CPLX1: variants seen among roughly 807,000 people sequenced by gnomAD.
CPLX1 encodes the protein complexin-1.
CPLX1 carries 6 observed loss-of-function variants against 15.6 expected under a neutral mutation model. The ratio of observed to expected loss-of-function variants is 0.39; its 90% CI spans 0.21 to 0.76. The LOEUF is 0.76. Ranked by LOEUF, CPLX1 falls within the 30% of genes least tolerant of loss-of-function variation. The pLI is 0.43. For synonymous variants in CPLX1, 91 were observed against 75.2 expected, an observed-to-expected ratio of 1.21 and a Z score of -1.08; for missense variants, 242 against 188.6, an observed-to-expected ratio of 1.28 and a Z score of -1.66.
intron 1 of CPLX1, among the ~76,000 whole-genome samples, chr4:825,043 G>A (rs1025775175): frequency 6.6e-6 from 1 of 152,220 alleles, no homozygotes; most frequent in African/African-American, 2.4e-5. Flanking sequence ...GCGGGCTCCT[G>A]TGGCTTCTGA....
chr4:824,450 A>G, intron 2 of CPLX1, 42 bp downstream of exon 2: 4 of 1,574,202 alleles, frequency 2.5e-6, no homozygotes, highest in Non-Finnish European at 3.5e-6. Flanking sequence ...TGGTCTCTCC[A>G]TGTCCCCTCA....
chr4:810,231 A>C (rs1746641160), intron 2 of CPLX1, among the ~76,000 whole-genome samples: 1 of 151,466 alleles, frequency 6.6e-6, no homozygotes, highest in Non-Finnish European at 1.5e-5. Flanking sequence ...TTGTATTTTT[A>C]GTAGAGACGG....
intron 2 of CPLX1, among the ~76,000 whole-genome samples, chr4:811,326 CAT>C (rs1746661927): frequency 6.6e-6 from 1 of 151,702 alleles, no homozygotes; most frequent in South Asian, 2.1e-4. Context: ...TTTTATTTTT[CAT>C]AGAGATGGGA....
intron 2 of CPLX1, among the ~76,000 whole-genome samples, chr4:818,857 C>A (rs1288780725): frequency 6.6e-6 from 1 of 152,236 alleles, no homozygotes; most frequent in Non-Finnish European, 1.5e-5. Flanking sequence ...CGGCCAAGGA[C>A]GGTGCTGGAC....
chr4:788,657 A>G (rs1746074809), intron 3 of CPLX1: 1 of 917,750 alleles, frequency 1.1e-6, no homozygotes, highest in African/African-American at 1.8e-5. Flanking sequence ...CGGGAAGGGC[A>G]GCAGCTCCAG....
chr4:803,413 C>T (rs576138231), intron 2 of CPLX1, among the ~76,000 whole-genome samples: 3 of 151,628 alleles, frequency 2.0e-5, no homozygotes, highest in Non-Finnish European at 2.9e-5. Flanking sequence ...TTTTTTGAGA[C>T]GGAATCTCGC....
Position 817,969 on chromosome 4 carries a change from C to T in CPLX1, c.31+6523G>A, listed in dbSNP as rs1028027262. The stretch of plus-strand genomic sequence containing the variant: ...CAAGTCTGACAGGGGACACTGGAGG[C>T]GCCACCGCCCTCGGGGGTGGCTCAC... On this transcript the variant is annotated intron_variant, in intron 2 of 3. Coordinates refer to ENST00000304062, the MANE Select transcript of CPLX1 (RefSeq NM_006651.4). Among the ~76,000 whole-genome samples, 10 of 152,206 alleles carry T rather than the reference C, an allele frequency of 6.6e-5. No individual in the cohort carries two copies. In the East Asian group the frequency reaches 1.3e-3, roughly 20 times the overall value.
intron 2 of CPLX1, among the ~76,000 whole-genome samples, chr4:823,991 C>T (rs1746923348): frequency 1.3e-5 from 2 of 152,252 alleles, no homozygotes; most frequent in Non-Finnish European, 2.9e-5. Flanking sequence ...GCTGCCTCAC[C>T]CAAGTGAAAC....
chr4:810,328 C>T (rs559850000), intron 2 of CPLX1, among the ~76,000 whole-genome samples: 16 of 152,294 alleles, frequency 1.1e-4, no homozygotes, highest in South Asian at 2.1e-4. Context: ...GGATTACAGG[C>T]GTGAGCCACC....
chr4:823,688 C>G (rs1746915756), intron 2 of CPLX1, among the ~76,000 whole-genome samples: 1 of 152,258 alleles, frequency 6.6e-6, no homozygotes, highest in Non-Finnish European at 1.5e-5. Context: ...GTTGACCCAT[C>G]AGCTCTGCCG....
At chr4:823,454 A>G (rs1746910810) in intron 2 of CPLX1, among the ~76,000 whole-genome samples, 1 of 152,028 alleles carries the variant, frequency 6.6e-6, no homozygotes, top group African/African-American at 2.4e-5. Flanking sequence ...CAGCTCCCCC[A>G]CTGCAGAAAT....
At chr4:790,125 C>T (rs1448334472) in intron 3 of CPLX1, among the ~76,000 whole-genome samples, 1 of 152,158 alleles carries the variant, frequency 6.6e-6, no homozygotes, top group East Asian at 1.9e-4. Flanking sequence ...CCCAAAGGCT[C>T]TGTGGAGGAG....
chr4:800,477 A>AAAAAAT (rs1553853379), intron 2 of CPLX1, among the ~76,000 whole-genome samples: 1 of 146,868 alleles, frequency 6.8e-6, no homozygotes. Flanking sequence ...TCTACTAAAA[A>AAAAAAT]ATATATATAT....
chr4:817,239 G>A (rs1746773348), intron 2 of CPLX1, among the ~76,000 whole-genome samples: 3 of 134,174 alleles, frequency 2.2e-5, no homozygotes, highest in Admixed American at 7.8e-5. Context: ...GGCACACTGG[G>A]TGAATGTAAA....
intron 2 of CPLX1, among the ~76,000 whole-genome samples, chr4:795,491 C>T (rs1378177762): frequency 6.6e-6 from 1 of 152,222 alleles, no homozygotes; most frequent in African/African-American, 2.4e-5. Flanking sequence ...GTGCCTGAGG[C>T]TGGGACACCC....
intron 2 of CPLX1, among the ~76,000 whole-genome samples, chr4:809,403 G>A (rs1012809813): frequency 2.0e-5 from 3 of 151,348 alleles, no homozygotes; most frequent in Non-Finnish European, 3.0e-5. Context: ...TTACTGAAAC[G>A]GGCCCTGTGG....
At chr4:818,155 CCAGTG>C (rs1746795743) in intron 2 of CPLX1, among the ~76,000 whole-genome samples, 1 of 152,228 alleles carries the variant, frequency 6.6e-6, no homozygotes, top group South Asian at 2.1e-4. Context: ...CCGAGAGGCC[CCAGTG>C]CAGCTGAGCA....
intron 2 of CPLX1, among the ~76,000 whole-genome samples, chr4:806,324 G>T (rs1746554446): frequency 6.6e-6 from 1 of 152,166 alleles, no homozygotes. Flanking sequence ...AATAAATGGT[G>T]CTGGGAGAAC....
chr4:798,500 T>C (rs1196052707), intron 2 of CPLX1, among the ~76,000 whole-genome samples: 1 of 152,152 alleles, frequency 6.6e-6, no homozygotes, highest in Non-Finnish European at 1.5e-5. Context: ...CAGTCTCAAC[T>C]TCCTGGGCTC....
Sources: allele counts gnomAD v4.1 joint callset (sites outside exome capture counted in the v4.1 genomes callset), GRCh38; gene constraint gnomAD v4.1.1; transcripts MANE v1.5; gene names NCBI Gene and HGNC (gene_info 2026-07-23, HGNC 2026-07-21).